POF1B: variants seen among roughly 807,000 people sequenced by gnomAD.
POF1B encodes POF1B actin binding protein, also known as protein POF1B.
A neutral mutation model predicts 55.3 loss-of-function variants in POF1B; 53 were observed. The observed-to-expected ratio is 0.96, with a 90% CI of 0.77 to 1.20. The LOEUF (loss-of-function observed/expected upper bound fraction) is 1.20. Ranked by LOEUF, POF1B falls within the 50% of genes most tolerant of loss-of-function variation. The pLI is 0.00. For synonymous variants in POF1B, 188 were observed against 148.3 expected, an observed-to-expected ratio of 1.27 and a Z score of -1.95; for missense variants, 478 against 420.5, an observed-to-expected ratio of 1.14 and a Z score of -1.20.
intron 2 of POF1B, among the ~76,000 whole-genome samples, chrX:85,368,518 C>T (rs916833137): frequency 9.0e-6 from 1 of 110,822 alleles, no homozygotes; most frequent in Non-Finnish European, 1.9e-5. Context: ...TTTAAAGTAC[C>T]TTTGAAGAAG....
At chrX:85,306,573 A>G (rs1394021638) in intron 11 of POF1B, among the ~76,000 whole-genome samples, 2 of 111,026 alleles carry the variant, frequency 1.8e-5, no homozygotes, top group Non-Finnish European at 3.8e-5. Context: ...TAATGTCTCA[A>G]TTTAACAATC....
At chrX:85,378,342 G>T (rs1040508445) in intron 2 of POF1B, among the ~76,000 whole-genome samples, 1 of 111,617 alleles carries the variant, frequency 9.0e-6, no homozygotes, top group Admixed American at 9.5e-5. Context: ...CTTAAAACAT[G>T]CAAATTTAAT....
In POF1B at chrX:85,303,484, A is replaced by C; in HGVS notation, c.1571T>G (p.Leu524Arg). 1 of 1,141,277 alleles carries C rather than the reference A, an allele frequency of 8.8e-7. No homozygotes were observed. Among genetic ancestry groups the C allele is most frequent in the South Asian group, 1.9e-5 (1 of 51,732 alleles). 94.1% of individuals were successfully genotyped at this position (1,141,277 alleles called of 1,213,427 possible). A position where few individuals can be genotyped will look rare whatever the true frequency, so the allele number is the denominator to read the frequency against. ...ATATATTTCTTGCCGCAACTTGGAGAGTTCCTTACAAATAAAAGATAATAT... is the reference window on the plus strand; with the variant it reads ...ATATATTTCTTGCCGCAACTTGGAGCGTTCCTTACAAATAAAAGATAATAT... ...DSLIKRQSEE[L>R]SKLRQEIYSS... is the part of the protein sequence containing the mutation. Residue 524 changes from leucine to arginine, a missense_variant, in exon 15 of 17, where the codon CTC becomes CGC. Transcript: ENST00000262753.
In POF1B at chrX:85,331,062, A is replaced by G. The variant is rs755817071; in HGVS notation, c.741T>C (p.Asp247=). Residue 247 remains aspartate, a synonymous_variant, in exon 7 of 17, where the codon GAT becomes GAC. Coordinates refer to ENST00000262753, the MANE Select transcript of POF1B (RefSeq NM_024921.4). The part of the protein sequence containing the change: ...QICEQVIIQD[D]GPEKLDPRYF... ...ATCTGGGGTCCAATTTTTCAGGGCC[A>G]TCATCCTGAATTATCACCTGAAGCA... 1.1e-5 allele frequency: 13 copies of G among 1,203,162 alleles called. No individual in the cohort carries two copies. The highest frequency in any genetic ancestry group is 5.3e-5 in the African/African-American group (3 of 56,950).
chrX:85,337,839 C>A (rs1161970146), intron 6 of POF1B, among the ~76,000 whole-genome samples: 1 of 111,715 alleles, frequency 9.0e-6, no homozygotes, highest in Non-Finnish European at 1.9e-5. Flanking sequence ...TATTTCTCAA[C>A]TGTATTATGT....
Position 85,345,851 on chromosome X carries a change from T to G in POF1B, c.723+9A>C. 1 of 1,182,075 alleles carries G rather than the reference T, an allele frequency of 8.5e-7. No individual in the cohort carries two copies. Among genetic ancestry groups the G allele is most frequent in the South Asian group, 1.9e-5 (1 of 51,617 alleles). On this transcript the variant is annotated intron_variant, in intron 6 of 16. Coordinates refer to ENST00000262753, the MANE Select transcript of POF1B (RefSeq NM_024921.4). ...TCAGTTTGTTAAGGAATCAGCTGAT[T>G]GATCTTACCTGCTCACAAATCTGGC...
chrX:85,333,383 T>A (rs1253730593), intron 6 of POF1B, among the ~76,000 whole-genome samples: 2 of 111,531 alleles, frequency 1.8e-5, no homozygotes, highest in South Asian at 3.7e-4. Flanking sequence ...CAGCACCCTC[T>A]TTTTACCACA....
At chrX:85,311,131 A>G (rs1932686888) in intron 9 of POF1B, among the ~76,000 whole-genome samples, 1 of 111,850 alleles carries the variant, frequency 8.9e-6, no homozygotes, top group Non-Finnish European at 1.9e-5. Flanking sequence ...AGAATTTGGA[A>G]TATTAAGAAG....
intron 15 of POF1B, among the ~76,000 whole-genome samples, chrX:85,286,121 G>T (rs1471366863): frequency 9.0e-6 from 1 of 110,976 alleles, no homozygotes; most frequent in African/African-American, 3.3e-5. Flanking sequence ...TGTATTTAGG[G>T]GCTAATAATA....
chrX:85,341,012 G>A (rs927966824), intron 6 of POF1B, among the ~76,000 whole-genome samples: 22 of 110,934 alleles, frequency 2.0e-4, no homozygotes, highest in African/African-American at 6.9e-4. Flanking sequence ...TATAAACACT[G>A]AACACTGATT....
intron 7 of POF1B, among the ~76,000 whole-genome samples, chrX:85,329,666 GAGTT>G (rs1427548252): frequency 1.9e-5 from 2 of 106,153 alleles, no homozygotes; most frequent in East Asian, 3.1e-4. Flanking sequence ...ATAAGGCAGA[GAGTT>G]AGAGTAATCC....
At chrX:85,372,960 G>A (rs1210284869) in intron 2 of POF1B, among the ~76,000 whole-genome samples, 1 of 108,421 alleles carries the variant, frequency 9.2e-6, no homozygotes, top group African/African-American at 3.3e-5. Flanking sequence ...AGCTCAAAAG[G>A]TGTTATTCTC....
chrX:85,319,030 G>A lies in POF1B; in HGVS notation c.855-3296C>T, dbSNP rs180753079. Among the ~76,000 whole-genome samples, 269 of 110,818 alleles carry A rather than the reference G, an allele frequency of 2.4e-3. 3 individuals carry two copies. In the South Asian group the frequency reaches 0.027, roughly 11 times the overall value. On this transcript the variant is annotated intron_variant, in intron 7 of 16. Coordinates refer to ENST00000262753, the MANE Select transcript of POF1B (RefSeq NM_024921.4). ...GGATGTTTTTCCATTTGTTGGTGTC[G>A]TCTCTGATTTCTTTGAGCAGTGTTT... is the stretch of plus-strand genomic sequence containing the variant.
rs1292691384 is a variant in POF1B at position 85,323,322 on chromosome X, A to G, written c.855-7588T>C. ...GACATGGATGAAATTGGAAATCATC[A>G]TTCTCAGTAAACTATCACAAGGACA... On this transcript the variant is annotated intron_variant, in intron 7 of 16. Transcript: ENST00000262753. Among the ~76,000 whole-genome samples, 3 of 109,847 alleles carry G rather than the reference A, an allele frequency of 2.7e-5. No homozygotes were observed. In the Admixed American group the frequency reaches 2.9e-4, roughly 11 times the overall value.
At chrX:85,353,078 T>C (rs1402550005) in intron 4 of POF1B, among the ~76,000 whole-genome samples, 1 of 111,105 alleles carries the variant, frequency 9.0e-6, no homozygotes, top group Non-Finnish European at 1.9e-5. Context: ...AAAGAACTTA[T>C]GGGATGGAGT....
intron 2 of POF1B, among the ~76,000 whole-genome samples, chrX:85,374,163 T>A (rs1933882663): frequency 9.0e-6 from 1 of 111,641 alleles, no homozygotes; most frequent in African/African-American, 3.3e-5. Flanking sequence ...AAATTAATAT[T>A]CCTAGGGACT....
chrX:85,360,543 A>G (rs1347090897), intron 3 of POF1B, among the ~76,000 whole-genome samples: 1 of 85,294 alleles, frequency 1.2e-5, no homozygotes, highest in African/African-American at 6.7e-5. Flanking sequence ...ATATATATAT[A>G]TATATATATA....
chrX:85,311,408 C>A (rs1330863750), intron 9 of POF1B, among the ~76,000 whole-genome samples: 2 of 109,612 alleles, frequency 1.8e-5, no homozygotes, highest in Admixed American at 9.8e-5. Context: ...TGTGTTCTCA[C>A]TGTTCAACTC....
intron 9 of POF1B, among the ~76,000 whole-genome samples, chrX:85,310,964 C>A (rs956919281): frequency 8.1e-5 from 9 of 111,488 alleles, no homozygotes; most frequent in African/African-American, 2.3e-4. Context: ...AAATAATTGT[C>A]AACTGTAAAT....
Sources: gnomAD v4.1 joint callset for allele counts (sites outside exome capture counted in the v4.1 genomes callset) on GRCh38, gnomAD v4.1.1 for gene constraint, MANE v1.5 for transcripts, NCBI Gene and HGNC (gene_info 2026-07-23, HGNC 2026-07-21) for gene names.